Variants in PCDHA5 observed in about 807,000 individuals in gnomAD.
PCDHA5 encodes protocadherin alpha-5.
A neutral mutation model predicts 61.6 loss-of-function variants in PCDHA5; 43 were observed. The observed-to-expected ratio is 0.70, with a 90% CI of 0.55 to 0.90. The LOEUF (loss-of-function observed/expected upper bound fraction) is 0.90, where lower values mean the gene tolerates loss of function less well. PCDHA5 is among the 40% of genes least tolerant of loss of function. The pLI, the probability that PCDHA5 is intolerant of heterozygous loss-of-function variation, is 0.00. For missense variants in PCDHA5, 1,298 were observed against 1,222.7 expected, an observed-to-expected ratio of 1.06 and a Z score of -0.92; for synonymous variants, 627 against 543.9, an observed-to-expected ratio of 1.15 and a Z score of -2.13.
chr5:141,009,955 A>G lies in PCDHA5; in HGVS notation c.*18A>G, dbSNP rs782282264. 6.3e-7 allele frequency: 1 copy of G among 1,592,418 alleles called. No individual in the cohort carries two copies. Among genetic ancestry groups the G allele is most frequent in the African/African-American group, 1.4e-5 (1 of 73,350 alleles). ...ACCAGTGAGGTCCTCAAATGGAAAC[A>G]AGCCACTTAGCCAGTTTTTGTAATA... On this transcript the variant is annotated 3_prime_UTR_variant, in exon 4 of 4. Transcript: ENST00000529859.
At chr5:140,927,303 G>A (rs1554204320) in intron 1 of PCDHA5, 69 of 1,614,150 alleles carry the variant, frequency 4.3e-5, no homozygotes, top group Non-Finnish European at 5.7e-5. Context: ...CCGAGTTCCT[G>A]ACGCCCGGAG....
rs782552456 is a variant in PCDHA5, at chr5:140,870,511, G to T, written c.2352+46384G>T. On this transcript the variant is annotated intron_variant, in intron 1 of 3. Transcript: ENST00000529859. ...GTTCGTGAAGGAGAACAACCCACCA[G>T]GCTGCCACATCTTCACAGTGTCGGC... 9.9e-6 allele frequency: 16 copies of T among 1,614,242 alleles called. No homozygotes were observed. The highest frequency in any genetic ancestry group is 1.3e-5 in the Non-Finnish European group (15 of 1,180,048).
rs2150122463 is a variant in PCDHA5 at position 140,823,113 on chromosome 5, C to G, written c.1338C>G (p.Asp446Glu). ...ATASVSVEVA[D>E]VNDNAPAFAQ... ...CCAGCGTGTCTGTGGAAGTGGCCGA[C>G]GTGAACGACAACGCTCCGGCGTTCG... The change falls in exon 1 of 4, where the codon GAC becomes GAG. Residue 446 changes from aspartate to glutamate, a missense_variant. Coordinates refer to ENST00000529859, the MANE Select transcript of PCDHA5 (RefSeq NM_018908.3). The G allele has an allele frequency of 6.2e-7, 1 of 1,614,074 alleles. No homozygotes were observed. Among genetic ancestry groups the G allele is most frequent in the Admixed American group, 1.7e-5 (1 of 60,034 alleles).
intron 1 of PCDHA5, chr5:140,966,657 G>A: frequency 1.7e-6 from 2 of 1,210,192 alleles, no homozygotes; most frequent in Admixed American, 3.9e-5. Context: ...TGAGCGGTGG[G>A]GGAGCAGGCG....
chr5:140,834,187 T>TC, intron 1 of PCDHA5: 1 of 577,002 alleles, frequency 1.7e-6, no homozygotes, highest in South Asian at 2.5e-5. Context: ...CCACATGATG[T>TC]CGCTCTTTAC....
chr5:140,956,878 A>G (rs890203275), intron 1 of PCDHA5, among the ~76,000 whole-genome samples: 4 of 152,188 alleles, frequency 2.6e-5, no homozygotes, highest in Admixed American at 2.6e-4. Context: ...GAAAAGTTAG[A>G]TATCAATGAA....
At chr5:141,000,079 G>A (rs1233130123) in intron 3 of PCDHA5, among the ~76,000 whole-genome samples, 2 of 152,102 alleles carry the variant, frequency 1.3e-5, no homozygotes, top group Non-Finnish European at 2.9e-5. Flanking sequence ...CACAATGCTA[G>A]GCCTGTGAAT....
rs2150354431 is a variant in PCDHA5 at position 140,843,174 on chromosome 5, C to T, written c.2352+19047C>T. 1.1e-4 allele frequency: 178 copies of T among 1,595,970 alleles called. 24 individuals carry two copies. Among genetic ancestry groups the T allele is most frequent in the Non-Finnish European group, 1.5e-4 (177 of 1,165,624 alleles). ...GAGCTGCAGCCAGCTGCAAGCAGCC[C>T]TCGCATCCCGTTCCGCGTGGGGCTG... On this transcript the variant is annotated intron_variant, in intron 1 of 3. Transcript: ENST00000529859.
chr5:140,966,428 C>T (rs1297076694), intron 1 of PCDHA5: 6 of 423,554 alleles, frequency 1.4e-5, no homozygotes, highest in Non-Finnish European at 1.2e-5. Flanking sequence ...TTGCTGAGCC[C>T]TCCTACCGCT....
At chr5:140,941,375 G>A (rs1441847516) in intron 1 of PCDHA5, among the ~76,000 whole-genome samples, 1 of 134,938 alleles carries the variant, frequency 7.4e-6, no homozygotes, top group Non-Finnish European at 1.5e-5. Context: ...GGAGTGTAGT[G>A]ACAGGATTTT....
chr5:140,850,934 T>G (rs2150502964), intron 1 of PCDHA5: 2 of 1,514,156 alleles, frequency 1.3e-6, no homozygotes, highest in African/African-American at 1.4e-5. Flanking sequence ...TTTTTTTTCT[T>G]GAAAGATATT....
At chr5:140,888,198 G>A (rs1031899783) in intron 1 of PCDHA5, among the ~76,000 whole-genome samples, 2 of 152,044 alleles carry the variant, frequency 1.3e-5, no homozygotes, top group Admixed American at 6.6e-5. Flanking sequence ...TTACATTGTC[G>A]GATGCTGGAT....
intron 1 of PCDHA5, among the ~76,000 whole-genome samples, chr5:140,916,660 T>A (rs2077673786): frequency 6.6e-6 from 1 of 152,172 alleles, no homozygotes; most frequent in African/African-American, 2.4e-5. Flanking sequence ...GTATCCAAGA[T>A]GCAAGACAAA....
At chr5:140,851,697 TC>T in intron 1 of PCDHA5, 1 of 942,168 alleles carries the variant, frequency 1.1e-6, no homozygotes, top group Non-Finnish European at 1.3e-6. Flanking sequence ...GATAAAATGA[TC>T]AGCCATGTGA....
At chr5:140,870,746 T>A in intron 1 of PCDHA5, 1 of 1,613,488 alleles carries the variant, frequency 6.2e-7, no homozygotes, top group South Asian at 1.1e-5. Flanking sequence ...AGCAGCAACG[T>A]GACGCTGCAG....
intron 1 of PCDHA5, chr5:140,927,513 C>T (rs371881938): frequency 2.2e-5 from 36 of 1,614,062 alleles, no homozygotes; most frequent in South Asian, 3.3e-5. Flanking sequence ...CAGCTCGGGA[C>T]GGCGGGCTAC....
At chr5:140,829,500 CG>C (rs1562307699) in intron 1 of PCDHA5, 1 of 1,613,600 alleles carries the variant, frequency 6.2e-7, no homozygotes, top group African/African-American at 1.3e-5. Context: ...AACAACCCGC[CG>C]GGCTGCCACA....
intron 3 of PCDHA5, among the ~76,000 whole-genome samples, chr5:140,998,396 T>A (rs2097810780): frequency 6.6e-6 from 1 of 152,212 alleles, no homozygotes. Flanking sequence ...ATGCCATCTT[T>A]ATGCCAAAGT....
intron 1 of PCDHA5, chr5:140,926,562 C>CT (rs1271947865): frequency 1.6e-5 from 4 of 250,352 alleles, no homozygotes; most frequent in African/African-American, 8.9e-5. Context: ...CAGCCCGCTG[C>CT]TACTGGAGAC....
Sources: gnomAD v4.1 joint callset for allele counts (sites outside exome capture counted in the v4.1 genomes callset) on GRCh38, gnomAD v4.1.1 for gene constraint, MANE v1.5 for transcripts, NCBI Gene and HGNC (gene_info 2026-07-23, HGNC 2026-07-21) for gene names.